Variants in ST8SIA1 observed in about 807,000 individuals in gnomAD.
ST8SIA1 encodes alpha-N-acetylneuraminide alpha-2,8-sialyltransferase.
In ST8SIA1, 16 loss-of-function variants were observed where a neutral mutation model predicts 35.9. The observed-to-expected ratio is 0.45, with a 90% confidence interval of 0.30 to 0.68. The LOEUF is 0.68. ST8SIA1 is among the 30% of genes least tolerant of loss of function. The probability of loss-of-function intolerance (pLI) is 0.09; values close to 1 mark genes in which losing one functional copy is unlikely to be tolerated. For missense variants in ST8SIA1, 383 were observed against 453.6 expected, an observed-to-expected ratio of 0.84 and a Z score of 1.41; for synonymous variants, 170 against 169.6, an observed-to-expected ratio of 1.00 and a Z score of -0.02.
chr12:22,287,263 G>C lies in ST8SIA1; in HGVS notation c.267C>G (p.Ala89=). 6.8e-6 allele frequency: 11 copies of C among 1,613,956 alleles called. No individual in the cohort carries two copies. The highest frequency in any genetic ancestry group is 9.3e-6 in the Non-Finnish European group (11 of 1,179,942). The change falls in exon 2 of 5, where the codon GCC becomes GCG. Residue 89 remains alanine, a synonymous_variant. Coordinates refer to ENST00000396037, the MANE Select transcript of ST8SIA1 (RefSeq NM_003034.4). ...RKQMEDCCDP[A]HLFAMTKMNS... ...TCATTTTAGTCATAGCAAAGAGATGGGCAGGGTCGCAGCAGTCTTCCATTT... is the reference window on the plus strand; with the variant it reads ...TCATTTTAGTCATAGCAAAGAGATGCGCAGGGTCGCAGCAGTCTTCCATTT...
intron 2 of ST8SIA1, among the ~76,000 whole-genome samples, chr12:22,283,989 A>T (rs1866065887): frequency 6.6e-6 from 1 of 152,194 alleles, no homozygotes; most frequent in Admixed American, 6.5e-5. Context: ...AGTTACAGAA[A>T]GTTGTGGAAG....
intron 2 of ST8SIA1, among the ~76,000 whole-genome samples, chr12:22,286,324 C>T (rs527987749): frequency 4.6e-5 from 7 of 152,256 alleles, no homozygotes; most frequent in Admixed American, 2.6e-4. Flanking sequence ...TGGGATTCCT[C>T]CTTTAAAGTC....
intron 1 of ST8SIA1, among the ~76,000 whole-genome samples, chr12:22,311,904 C>T (rs1336546487): frequency 6.6e-6 from 1 of 152,152 alleles, no homozygotes; most frequent in Non-Finnish European, 1.5e-5. Flanking sequence ...ATTTAGGCTT[C>T]ATCCCATAGT....
At chr12:22,232,912 G>A (rs1865435540) in intron 4 of ST8SIA1, among the ~76,000 whole-genome samples, 1 of 152,162 alleles carries the variant, frequency 6.6e-6, no homozygotes, top group African/African-American at 2.4e-5. Flanking sequence ...ACTAAGTGAA[G>A]TAAGTGGTTT....
intron 1 of ST8SIA1, among the ~76,000 whole-genome samples, chr12:22,328,734 C>T (rs1165065624): frequency 1.3e-5 from 2 of 152,114 alleles, no homozygotes; most frequent in African/African-American, 4.8e-5. Flanking sequence ...AGGGAAGCCA[C>T]CTTGAGGCGA....
chr12:22,211,908 G>A (rs928587639), intron 4 of ST8SIA1, among the ~76,000 whole-genome samples: 7 of 151,968 alleles, frequency 4.6e-5, no homozygotes, highest in Admixed American at 2.6e-4. Context: ...ACAGGGTTTC[G>A]CCAAGTTGGC....
At chr12:22,333,743 T>G in intron 1 of ST8SIA1, 2 of 675,444 alleles carry the variant, frequency 3.0e-6, no homozygotes, top group Non-Finnish European at 2.7e-6. Context: ...AAACTCCGCT[T>G]TGGGAAGAAA....
chr12:22,275,317 G>A (rs1438696491), intron 2 of ST8SIA1, among the ~76,000 whole-genome samples: 4 of 152,200 alleles, frequency 2.6e-5, no homozygotes, highest in Admixed American at 6.5e-5. Context: ...AATTTGAGAG[G>A]CCAAGGGCGG....
intron 1 of ST8SIA1, among the ~76,000 whole-genome samples, chr12:22,321,538 G>A (rs1367272581): frequency 4.6e-5 from 7 of 152,180 alleles, no homozygotes; most frequent in African/African-American, 4.8e-5. Flanking sequence ...CTGAGCAGGC[G>A]GAGGTGGTAG....
chr12:22,241,830 G>C (rs1865544452), intron 4 of ST8SIA1, among the ~76,000 whole-genome samples: 2 of 151,984 alleles, frequency 1.3e-5, no homozygotes, highest in South Asian at 4.2e-4. Flanking sequence ...TCATGTCCCA[G>C]AGTAGATTTC....
At chr12:22,303,226 G>T (rs937151559) in intron 1 of ST8SIA1, among the ~76,000 whole-genome samples, 1 of 152,046 alleles carries the variant, frequency 6.6e-6, no homozygotes, top group Non-Finnish European at 1.5e-5. Flanking sequence ...AGGCCATTAG[G>T]ACAATTTGCT....
chr12:22,325,600 C>T (rs757230617), intron 1 of ST8SIA1: 34 of 652,116 alleles, frequency 5.2e-5, no homozygotes, highest in Non-Finnish European at 8.8e-5. Context: ...CTAGGAATCT[C>T]CTCTTATCTG....
intron 4 of ST8SIA1, among the ~76,000 whole-genome samples, chr12:22,246,709 G>C (rs1045207738): frequency 1.2e-4 from 18 of 152,068 alleles, no homozygotes; most frequent in African/African-American, 3.9e-4. Flanking sequence ...TTTGGAATAA[G>C]AGAGGCCTGG....
chr12:22,288,893 T>A (rs1330465928), intron 1 of ST8SIA1, among the ~76,000 whole-genome samples: 1 of 152,194 alleles, frequency 6.6e-6, no homozygotes, highest in Non-Finnish European at 1.5e-5. Context: ...TTGTTGTTTG[T>A]TGTTGTTGTC....
chr12:22,240,524 T>G (rs571563309), intron 4 of ST8SIA1, among the ~76,000 whole-genome samples: 1 of 152,100 alleles, frequency 6.6e-6, no homozygotes, highest in South Asian at 2.1e-4. Flanking sequence ...TGCTCTGAGT[T>G]TGGAGGAAAA....
In ST8SIA1 at chr12:22,294,632, C is replaced by T. The variant is rs114384381; in HGVS notation, c.237-7339G>A. Among the ~76,000 whole-genome samples, 333 of 152,216 alleles carry T rather than the reference C, an allele frequency of 2.2e-3. 2 individuals are homozygous for T. The highest frequency in any genetic ancestry group is 7.4e-3 in the African/African-American group (309 of 41,532). On this transcript the variant is annotated intron_variant, in intron 1 of 4. Transcript: ENST00000396037. ...TTATTTTTCACATTTGAAATGACTG[C>T]ATGATAAAGGAAATGTGTTCCAAAG...
intron 1 of ST8SIA1, among the ~76,000 whole-genome samples, chr12:22,294,768 A>C (rs1226183098): frequency 6.6e-6 from 1 of 152,198 alleles, no homozygotes; most frequent in African/African-American, 2.4e-5. Context: ...GTTTTTTCTA[A>C]TACATATTTG....
At chr12:22,216,409 G>T (rs534395644) in intron 4 of ST8SIA1, among the ~76,000 whole-genome samples, 1 of 152,206 alleles carries the variant, frequency 6.6e-6, no homozygotes, top group East Asian at 1.9e-4. Context: ...TCATCAAAAG[G>T]GTCATGCTCG....
In ST8SIA1 at chr12:22,201,591, C is replaced by T; in HGVS notation, c.1032G>A (p.Leu344=). 1.2e-6 allele frequency: 2 copies of T among 1,613,384 alleles called. No individual in the cohort carries two copies. Among genetic ancestry groups the T allele is most frequent in the Non-Finnish European group, 1.7e-6 (2 of 1,179,680 alleles). ...GGAGTGAGGTATCTTCACATGGGTC[C>T]AGCTGCATTCTCAGTGCACCGATTT... ...LHKIGALRMQ[L]DPCEDTSLQP... Residue 344 remains leucine, a synonymous_variant, in exon 5 of 5, where the codon CTG becomes CTA. Transcript: ENST00000396037.
Sources: gnomAD v4.1 joint callset for allele counts (sites outside exome capture counted in the v4.1 genomes callset) on GRCh38, gnomAD v4.1.1 for gene constraint, MANE v1.5 for transcripts, NCBI Gene and HGNC (gene_info 2026-07-23, HGNC 2026-07-21) for gene names.